Variants in RPS6KC1 observed in about 807,000 individuals in gnomAD.
The protein encoded by RPS6KC1 is inactive ribosomal protein S6 kinase delta-1.
In RPS6KC1, 54 loss-of-function variants were observed where a neutral mutation model predicts 103.8. The observed-to-expected ratio is 0.52, with a 90% CI of 0.42 to 0.65. RPS6KC1 has a LOEUF of 0.65. RPS6KC1 is among the 30% of genes least tolerant of loss of function. RPS6KC1 has a pLI of 0.00. For missense variants in RPS6KC1, 1,151 were observed against 1,253.8 expected (o/e 0.92, Z 1.24); for synonymous variants, 439 against 438.7 (o/e 1.00, Z -0.01).
chr1:213,595,961 G>A, the RPS6KC1 span, among the ~76,000 whole-genome samples: 6 of 151,080 alleles, frequency 4.0e-5, no homozygotes, highest in Admixed American at 6.6e-5. Context: ...TTTTTTTTTT[G>A]CTGTTGTGTT....
At chr1:213,483,474 T>C in the RPS6KC1 span, among the ~76,000 whole-genome samples, 164 of 152,378 alleles carry the variant, frequency 1.1e-3, 2 homozygotes, top group East Asian at 8.1e-3. Context: ...TGAAAATTTA[T>C]GTGCAAGCCA....
At chr1:213,388,281 G>C in the RPS6KC1 span, among the ~76,000 whole-genome samples, 1 of 152,208 alleles carries the variant, frequency 6.6e-6, no homozygotes, top group Non-Finnish European at 1.5e-5. Context: ...TGAACAGAAG[G>C]GCACGAAGAC....
At chr1:213,350,373 T>A in the RPS6KC1 span, among the ~76,000 whole-genome samples, 3 of 152,216 alleles carry the variant, frequency 2.0e-5, no homozygotes, top group Non-Finnish European at 2.9e-5. Flanking sequence ...AAATACAGAA[T>A]TCTCTTTTAT....
chr1:213,418,570 C>T, the RPS6KC1 span, among the ~76,000 whole-genome samples: 6 of 152,094 alleles, frequency 3.9e-5, no homozygotes, highest in African/African-American at 9.7e-5. Flanking sequence ...GGGTGAAGTT[C>T]GCCATATGGA....
intron 4 of RPS6KC1, 83 bp from the exon 5 acceptor site, chr1:213,117,234 T>G (rs983720815): frequency 3.0e-6 from 2 of 661,366 alleles, no homozygotes; most frequent in Non-Finnish European, 5.2e-6. Context: ...TCTTTACACA[T>G]ACTTAATTGG....
the RPS6KC1 span, among the ~76,000 whole-genome samples, chr1:213,530,816 C>A: frequency 6.6e-6 from 1 of 152,210 alleles, no homozygotes; most frequent in Non-Finnish European, 1.5e-5. Flanking sequence ...TGCCTCCTGA[C>A]CTGAGAGCCT....
the RPS6KC1 span, among the ~76,000 whole-genome samples, chr1:213,342,202 C>T: frequency 6.6e-6 from 1 of 152,198 alleles, no homozygotes; most frequent in Admixed American, 6.5e-5. Context: ...CTTTCAAAGA[C>T]GTTCAAAAGG....
the RPS6KC1 span, among the ~76,000 whole-genome samples, chr1:213,322,384 G>A: frequency 6.6e-6 from 1 of 152,204 alleles, no homozygotes. Flanking sequence ...GGGTGCCATA[G>A]GAGGATTTTG....
At chr1:213,618,632 A>G in the RPS6KC1 span, among the ~76,000 whole-genome samples, 2 of 152,184 alleles carry the variant, frequency 1.3e-5, no homozygotes, top group Non-Finnish European at 2.9e-5. Context: ...CCTTTCCGCA[A>G]CCTTCTGAAT....
chr1:213,720,390 C>T, the RPS6KC1 span, among the ~76,000 whole-genome samples: 6 of 152,188 alleles, frequency 3.9e-5, no homozygotes, highest in African/African-American at 9.6e-5. Flanking sequence ...ATTTGTACAA[C>T]GTTCCAAAGG....
chr1:213,431,635 G>A, the RPS6KC1 span, among the ~76,000 whole-genome samples: 4 of 148,888 alleles, frequency 2.7e-5, no homozygotes, highest in Admixed American at 6.8e-5. Flanking sequence ...CTGCTCTATT[G>A]TATTCCATTG....
chr1:213,072,072 T>C (rs1168329060), intron 2 of RPS6KC1, among the ~76,000 whole-genome samples: 1 of 152,178 alleles, frequency 6.6e-6, no homozygotes, highest in Non-Finnish European at 1.5e-5. Context: ...TATCAGGATT[T>C]TTTCCGCCTC....
chr1:213,656,327 A>T, the RPS6KC1 span, among the ~76,000 whole-genome samples: 1 of 152,242 alleles, frequency 6.6e-6, no homozygotes, highest in East Asian at 1.9e-4. Context: ...GGGCTAGCAG[A>T]TTACAAAACG....
chr1:213,151,485 C>CCCAT (rs2088894540), intron 6 of RPS6KC1, among the ~76,000 whole-genome samples: 1 of 127,578 alleles, frequency 7.8e-6, no homozygotes, highest in Non-Finnish European at 1.7e-5. Context: ...GACCCCCCCA[C>CCCAT]CTCCCTCCCG....
At chr1:213,568,402 G>T in the RPS6KC1 span, among the ~76,000 whole-genome samples, 1 of 152,194 alleles carries the variant, frequency 6.6e-6, no homozygotes, top group Non-Finnish European at 1.5e-5. Context: ...AAGGAAGGGG[G>T]CTTAATGGTG....
chr1:213,363,757 CTCTTCTTTCTTTCTTT>C, the RPS6KC1 span, among the ~76,000 whole-genome samples: 1 of 60,414 alleles, frequency 1.7e-5, no homozygotes, highest in Non-Finnish European at 3.4e-5. Context: ...TTCTCTTTCT[CTCTTCTTTCTTTCTTT>C]CTTTCTTTCT....
intron 6 of RPS6KC1, among the ~76,000 whole-genome samples, chr1:213,135,203 A>G (rs1390856085): frequency 6.6e-6 from 1 of 151,894 alleles, no homozygotes; most frequent in Non-Finnish European, 1.5e-5. Context: ...TCTTTGTTCT[A>G]TTAATGTGGT....
intron 6 of RPS6KC1, among the ~76,000 whole-genome samples, chr1:213,137,315 T>A (rs13374074): frequency 1.3e-5 from 2 of 151,258 alleles, no homozygotes; most frequent in African/African-American, 2.4e-5. Context: ...CTGTTTTTTT[T>A]ATTTTTAAAT....
chr1:213,343,391 GTATATATATATATA>G, the RPS6KC1 span, among the ~76,000 whole-genome samples: 611 of 65,910 alleles, frequency 9.3e-3, 58 homozygotes, highest in African/African-American at 0.023. Flanking sequence ...AGTGTTGTGT[GTATATATATATATA>G]TATATATATA....
Sources: allele counts gnomAD v4.1 joint callset (sites outside exome capture counted in the v4.1 genomes callset), GRCh38; gene constraint gnomAD v4.1.1; transcripts MANE v1.5; gene names NCBI Gene and HGNC (gene_info 2026-07-23, HGNC 2026-07-21).